Variants in EGLN1 observed in about 807,000 individuals in gnomAD.
The protein encoded by EGLN1 is egl nine homolog 1.
A neutral mutation model predicts 38.3 loss-of-function variants in EGLN1; 17 were observed. The observed-to-expected ratio is 0.44, with a 90% confidence interval of 0.30 to 0.67. The LOEUF is 0.67. Ranked by LOEUF, EGLN1 falls within the 30% of genes least tolerant of loss-of-function variation. The pLI is 0.08. For synonymous variants in EGLN1, 283 were observed against 257.5 expected, an observed-to-expected ratio of 1.10 and a Z score of -0.95; for missense variants, 477 against 603.3, an observed-to-expected ratio of 0.79 and a Z score of 2.19.
chr1:231,397,355 A>G (rs1181483132), intron 1 of EGLN1, among the ~76,000 whole-genome samples: 1 of 143,004 alleles, frequency 7.0e-6, no homozygotes, highest in African/African-American at 3.1e-5. Flanking sequence ...ATAACTGAGT[A>G]AAATTACGTT....
chr1:231,414,397 G>C (rs983968405), intron 1 of EGLN1, among the ~76,000 whole-genome samples: 4 of 152,066 alleles, frequency 2.6e-5, no homozygotes, highest in Non-Finnish European at 5.9e-5. Context: ...CATGGAAGAA[G>C]AACAAAGATT....
At chr1:231,419,073 A>G (rs545727236) in intron 1 of EGLN1, among the ~76,000 whole-genome samples, 117 of 152,214 alleles carry the variant, frequency 7.7e-4, no homozygotes, top group Non-Finnish European at 1.5e-3. Context: ...AATGAAAGGA[A>G]TTCCTGAATA....
At chr1:231,403,432 A>G (rs147051122) in intron 1 of EGLN1, among the ~76,000 whole-genome samples, 32 of 152,244 alleles carry the variant, frequency 2.1e-4, no homozygotes, top group African/African-American at 6.5e-4. Context: ...ATCAGAAACT[A>G]TATAAAGTCA....
chr1:231,380,123 A>T (rs1386980309), intron 1 of EGLN1, among the ~76,000 whole-genome samples: 2 of 152,204 alleles, frequency 1.3e-5, no homozygotes, highest in East Asian at 3.9e-4. Context: ...CGCATGGGAT[A>T]GCTGAAGCCG....
intron 1 of EGLN1, among the ~76,000 whole-genome samples, chr1:231,378,419 AT>A (rs937005743): frequency 2.0e-5 from 3 of 151,838 alleles, no homozygotes; most frequent in Non-Finnish European, 2.9e-5. Flanking sequence ...AAACAATACT[AT>A]TTTTTTCTTT....
At chr1:231,387,596 T>C (rs990575629) in intron 1 of EGLN1, among the ~76,000 whole-genome samples, 65 of 152,182 alleles carry the variant, frequency 4.3e-4, no homozygotes, top group African/African-American at 1.4e-3. Flanking sequence ...CCTGACCTCA[T>C]GATCTGCCCG....
chr1:231,416,270 A>G (rs977240912), intron 1 of EGLN1, among the ~76,000 whole-genome samples: 1 of 151,928 alleles, frequency 6.6e-6, no homozygotes, highest in African/African-American at 2.4e-5. Context: ...AGTGTTGGGA[A>G]TTACAGGGGT....
At chr1:231,410,332 A>C (rs376196108) in intron 1 of EGLN1, among the ~76,000 whole-genome samples, 1 of 152,242 alleles carries the variant, frequency 6.6e-6, no homozygotes, top group Non-Finnish European at 1.5e-5. Flanking sequence ...TGAAGCCCTC[A>C]GTCCAACAAC....
intron 1 of EGLN1, among the ~76,000 whole-genome samples, chr1:231,406,178 A>C (rs1000990169): frequency 1.6e-3 from 238 of 151,978 alleles, no homozygotes; most frequent in Non-Finnish European, 2.9e-3. Flanking sequence ...AAAAAAAAAA[A>C]ATTTCAGGTT....
At chr1:231,402,966 C>T (rs904274028) in intron 1 of EGLN1, among the ~76,000 whole-genome samples, 1 of 151,234 alleles carries the variant, frequency 6.6e-6, no homozygotes, top group Non-Finnish European at 1.5e-5. Flanking sequence ...ACTCTTCACC[C>T]TGTACCATTG....
chr1:231,375,330 AC>A (rs1687933004), intron 1 of EGLN1, among the ~76,000 whole-genome samples: 2 of 35,030 alleles, frequency 5.7e-5, no homozygotes, highest in Non-Finnish European at 2.4e-4. Context: ...TGCTGGAATT[AC>A]AGGCTTGAGC....
Position 231,405,878 on chromosome 1 carries a change from C to T in EGLN1, c.891+15120G>A, listed in dbSNP as rs572210208. On this transcript the variant is annotated intron_variant, in intron 1 of 4. Coordinates refer to ENST00000366641, the MANE Select transcript of EGLN1 (RefSeq NM_022051.3). The stretch of plus-strand genomic sequence containing the variant: ...ATTCTGCAGATACTTTCTACCAAAA[C>T]TATCCAGAGATGTTTCAGATCTAAC... Among the ~76,000 whole-genome samples the T allele has an allele frequency of 2.6e-5, 4 of 152,216 alleles. No individual in the cohort carries two copies. In the South Asian group the frequency reaches 8.3e-4, roughly 32 times the overall value.
chr1:231,373,936 A>G, intron 2 of EGLN1, 44 bp downstream of exon 2: 1 of 1,608,288 alleles, frequency 6.2e-7, no homozygotes, highest in Non-Finnish European at 8.5e-7. Context: ...TTTGAGAAAA[A>G]GACACCTGTA....
intron 1 of EGLN1, among the ~76,000 whole-genome samples, chr1:231,414,977 G>A (rs765674537): frequency 6.6e-6 from 1 of 151,880 alleles, no homozygotes; most frequent in African/African-American, 2.4e-5. Context: ...AAGCAAATCC[G>A]CCCACCCTGG....
At chr1:231,403,890 A>G (rs997664336) in intron 1 of EGLN1, among the ~76,000 whole-genome samples, 1 of 151,858 alleles carries the variant, frequency 6.6e-6, no homozygotes, top group Non-Finnish European at 1.5e-5. Flanking sequence ...AAAGTATTGT[A>G]TAATTCAAAG....
intron 1 of EGLN1, among the ~76,000 whole-genome samples, chr1:231,382,692 T>TA (rs1688103438): frequency 6.6e-6 from 1 of 152,204 alleles, no homozygotes; most frequent in Non-Finnish European, 1.5e-5. Flanking sequence ...ATTCTGTTAT[T>TA]TGATTCCAAT....
At chr1:231,409,493 A>G (rs1284061007) in intron 1 of EGLN1, among the ~76,000 whole-genome samples, 1 of 152,142 alleles carries the variant, frequency 6.6e-6, no homozygotes, top group Non-Finnish European at 1.5e-5. Context: ...TTGAATAACT[A>G]AATGAAGTTC....
At chr1:231,392,330 C>T (rs1044300324) in intron 1 of EGLN1, among the ~76,000 whole-genome samples, 1 of 152,072 alleles carries the variant, frequency 6.6e-6, no homozygotes, top group Admixed American at 6.5e-5. Context: ...AAGCACAAAA[C>T]ATTTTAAGAG....
intron 1 of EGLN1, among the ~76,000 whole-genome samples, chr1:231,407,525 G>C (rs761205107): frequency 6.6e-6 from 1 of 152,054 alleles, no homozygotes; most frequent in Non-Finnish European, 1.5e-5. Flanking sequence ...CTAGCTACAA[G>C]CTTTTTTCTT....
Sources: allele counts gnomAD v4.1 joint callset (sites outside exome capture counted in the v4.1 genomes callset), GRCh38; gene constraint gnomAD v4.1.1; transcripts MANE v1.5; gene names NCBI Gene and HGNC (gene_info 2026-07-23, HGNC 2026-07-21).